The following CLINT1 variants were observed in gnomAD, a reference collection of about 807,000 sequenced individuals.
The protein encoded by CLINT1 is clathrin interacting protein localized in the trans-Golgi region.
A neutral mutation model predicts 70.4 loss-of-function variants in CLINT1; 15 were observed. That is an observed-to-expected ratio of 0.21 (90% CI 0.14 to 0.33). The LOEUF is 0.33. CLINT1 is among the 10% of genes least tolerant of loss of function. The pLI is 1.00. For missense variants in CLINT1, 615 were observed against 778.1 expected, an observed-to-expected ratio of 0.79 and a Z score of 2.49; for synonymous variants, 227 against 254.7, an observed-to-expected ratio of 0.89 and a Z score of 1.04.
At chr5:157,805,844 T>C in intron 7 of CLINT1, 22 bp downstream of exon 7, 2 of 1,613,814 alleles carry the variant, frequency 1.2e-6, no homozygotes, top group South Asian at 1.1e-5. Context: ...ATGTATAATG[T>C]GTAAACTACT....
At chr5:157,830,747 C>CCTCT (rs755254561) in intron 1 of CLINT1, among the ~76,000 whole-genome samples, 8 of 91,296 alleles carry the variant, frequency 8.8e-5, no homozygotes, top group African/African-American at 3.3e-4. Context: ...CCTGCCCCTC[C>CCTCT]CTCTCTCTCC....
At chr5:157,825,997 C>T (rs942537234) in intron 1 of CLINT1, among the ~76,000 whole-genome samples, 3 of 151,912 alleles carry the variant, frequency 2.0e-5, no homozygotes, top group African/African-American at 7.3e-5. Context: ...ATTTGTACTA[C>T]TTATAGATAA....
chr5:157,830,757 C>CCCTCTCTCT (rs1763202161), intron 1 of CLINT1, among the ~76,000 whole-genome samples: 32 of 87,406 alleles, frequency 3.7e-4, no homozygotes, highest in East Asian at 2.7e-3. Flanking sequence ...CCTCTCTCTC[C>CCCTCTCTCT]CTCTCTCTCT....
chr5:157,788,265 T>G (rs1383724812), intron 11 of CLINT1, among the ~76,000 whole-genome samples: 1 of 152,166 alleles, frequency 6.6e-6, no homozygotes, highest in Non-Finnish European at 1.5e-5. Flanking sequence ...CAAAACCTAT[T>G]GTTAAATCCT....
intron 6 of CLINT1, among the ~76,000 whole-genome samples, chr5:157,806,966 GA>G (rs1762405079): frequency 7.4e-5 from 2 of 27,004 alleles, no homozygotes; most frequent in South Asian, 1.2e-3. Context: ...GTAAGTAGGA[GA>G]GAGAGAGAGA....
chr5:157,828,862 G>A (rs1368734639), intron 1 of CLINT1, among the ~76,000 whole-genome samples: 1 of 149,706 alleles, frequency 6.7e-6, no homozygotes, highest in Non-Finnish European at 1.5e-5. Flanking sequence ...GCCGAGGCAG[G>A]CAGATCACTT....
At chr5:157,788,213 A>C (rs1250631264) in intron 11 of CLINT1, among the ~76,000 whole-genome samples, 1 of 152,230 alleles carries the variant, frequency 6.6e-6, no homozygotes, top group Admixed American at 6.5e-5. Flanking sequence ...AGAAACAGTA[A>C]GAGTAGACTG....
At chr5:157,796,319 G>C (rs1434899979) in intron 8 of CLINT1, among the ~76,000 whole-genome samples, 1 of 152,124 alleles carries the variant, frequency 6.6e-6, no homozygotes, top group Non-Finnish European at 1.5e-5. Flanking sequence ...ACATGGGTAA[G>C]AATATTTACT....
intron 2 of CLINT1, 42 bp downstream of exon 2, chr5:157,817,401 C>A: frequency 8.1e-7 from 1 of 1,234,570 alleles, no homozygotes; most frequent in South Asian, 1.3e-5. Flanking sequence ...TGTTAAGATG[C>A]TTTGATTTTT....
chr5:157,833,850 A>T (rs1287532800), intron 1 of CLINT1, among the ~76,000 whole-genome samples: 2 of 152,022 alleles, frequency 1.3e-5, no homozygotes, highest in Non-Finnish European at 2.9e-5. Flanking sequence ...CTGAGGTGGG[A>T]GGATCACTTG....
At chr5:157,809,333 A>G (rs548706942) in intron 6 of CLINT1, 8 of 253,668 alleles carry the variant, frequency 3.2e-5, no homozygotes, top group African/African-American at 1.1e-4. Context: ...ACTTTAGTTA[A>G]TAAGTGTATC....
chr5:157,841,171 T>A (rs1168032477), intron 1 of CLINT1, among the ~76,000 whole-genome samples: 2 of 151,396 alleles, frequency 1.3e-5, no homozygotes, highest in Non-Finnish European at 2.9e-5. Context: ...GAGTCTAGAG[T>A]GGGAGGACTA....
At chr5:157,804,842 A>C (rs1391717675) in intron 7 of CLINT1, among the ~76,000 whole-genome samples, 2 of 151,984 alleles carry the variant, frequency 1.3e-5, no homozygotes, top group African/African-American at 4.8e-5. Context: ...CAGGAGAATC[A>C]CTTGAACCTG....
intron 1 of CLINT1, among the ~76,000 whole-genome samples, chr5:157,854,428 T>A (rs1466489044): frequency 1.3e-5 from 2 of 152,096 alleles, no homozygotes; most frequent in Admixed American, 6.6e-5. Context: ...CACAAAAAAA[T>A]TTTTTAAAAT....
chr5:157,811,529 C>CAAAAAAAAAAA (rs202176248), intron 5 of CLINT1, among the ~76,000 whole-genome samples: 1 of 95,008 alleles, frequency 1.1e-5, no homozygotes. Context: ...CAAGAATCCT[C>CAAAAAAAAAAA]AAAAAAAAAA....
At chr5:157,820,969 T>C (rs1436932267) in intron 1 of CLINT1, among the ~76,000 whole-genome samples, 1 of 152,192 alleles carries the variant, frequency 6.6e-6, no homozygotes, top group Non-Finnish European at 1.5e-5. Flanking sequence ...CCATTTAAAC[T>C]AACACTACAG....
intron 5 of CLINT1, among the ~76,000 whole-genome samples, chr5:157,811,457 C>T (rs549443845): frequency 2.0e-5 from 3 of 150,408 alleles, no homozygotes; most frequent in African/African-American, 4.9e-5. Context: ...CACTTGAACC[C>T]GGGAGGCGGA....
At chr5:157,857,351 T>C (rs1025924404) in intron 1 of CLINT1, among the ~76,000 whole-genome samples, 50 of 152,274 alleles carry the variant, frequency 3.3e-4, no homozygotes, top group Admixed American at 3.2e-3. Context: ...GGAAAAGATC[T>C]AGTTTATTTC....
chr5:157,844,125 G>A (rs1227483951), intron 1 of CLINT1, among the ~76,000 whole-genome samples: 2 of 151,858 alleles, frequency 1.3e-5, no homozygotes, highest in Non-Finnish European at 2.9e-5. Flanking sequence ...ATTAAACTTA[G>A]ATGTATTATC....
Sources: gnomAD v4.1 joint callset for allele counts (sites outside exome capture counted in the v4.1 genomes callset) on GRCh38, gnomAD v4.1.1 for gene constraint, MANE v1.5 for transcripts, NCBI Gene and HGNC (gene_info 2026-07-23, HGNC 2026-07-21) for gene names.